WLS: variants seen among roughly 807,000 people sequenced by gnomAD.
The protein encoded by WLS is Wnt ligand secretion mediator.
In WLS, 23 loss-of-function variants were observed where a neutral mutation model predicts 62.8. The ratio of observed to expected loss-of-function variants is 0.37; its 90% confidence interval spans 0.26 to 0.52. WLS has a LOEUF of 0.52. WLS is among the 20% of genes least tolerant of loss of function. WLS has a pLI of 0.92. For missense variants in WLS, 615 were observed against 697.3 expected (o/e 0.88, Z 1.33); for synonymous variants, 246 against 244.1 (o/e 1.01, Z -0.07).
intron 11 of WLS, among the ~76,000 whole-genome samples, chr1:68,107,231 T>C (rs74560118): frequency 0.011 from 1,622 of 152,338 alleles, 28 homozygotes; most frequent in African/African-American, 0.037. Flanking sequence ...AATTTTTAGT[T>C]GCTGCCTCAT....
chr1:68,100,985 A>G (rs572908293), intron 11 of WLS, among the ~76,000 whole-genome samples: 2 of 152,330 alleles, frequency 1.3e-5, no homozygotes, highest in East Asian at 3.9e-4. Context: ...TAACCTGCTG[A>G]ATATGTAAAC....
chr1:68,098,744 A>C, exon 12 of WLS: 14 of 1,613,656 alleles, frequency 8.7e-6, no homozygotes, highest in Non-Finnish European at 1.2e-5. Context: ...TTTACATGGG[A>C]GTTGCATTCC....
At chr1:68,127,154 C>A in intron 11 of WLS, 1 of 356,494 alleles carries the variant, frequency 2.8e-6, no homozygotes. Flanking sequence ...ATGATTGCAC[C>A]ACTCACTCCA....
At chr1:68,189,481 T>A (rs958364492) in intron 2 of WLS, among the ~76,000 whole-genome samples, 1 of 152,222 alleles carries the variant, frequency 6.6e-6, no homozygotes, top group African/African-American at 2.4e-5. Flanking sequence ...ATTCTAAGTA[T>A]GTATATATGT....
At chr1:68,155,410 G>C in intron 3 of WLS, 150 bp from the exon 4 acceptor site, 1 of 890,656 alleles carries the variant, frequency 1.1e-6, no homozygotes, top group South Asian at 2.7e-5. Flanking sequence ...CATACTGGAG[G>C]CATGGCGTCT....
intron 1 of WLS, chr1:68,231,456 G>C: frequency 3.9e-6 from 1 of 259,716 alleles, no homozygotes; most frequent in Non-Finnish European, 7.8e-6. Flanking sequence ...TTCACGAGTG[G>C]GCAGGAGGCC....
chr1:68,133,175 A>G (rs1431039400), intron 11 of WLS, among the ~76,000 whole-genome samples: 1 of 152,158 alleles, frequency 6.6e-6, no homozygotes, highest in Non-Finnish European at 1.5e-5. Flanking sequence ...GTGTGTGTAC[A>G]CTCAGACACA....
At chr1:68,131,326 T>C (rs1310571438) in intron 11 of WLS, among the ~76,000 whole-genome samples, 1 of 152,150 alleles carries the variant, frequency 6.6e-6, no homozygotes, top group South Asian at 2.1e-4. Context: ...CTCTGTACTC[T>C]GCATGGCTGG....
At chr1:68,123,946 G>A (rs552675585), downstream of WLS, among the ~76,000 whole-genome samples, 184 of 151,774 alleles carry the variant, frequency 1.2e-3, no homozygotes, top group African/African-American at 4.2e-3. Context: ...AGTACAGTCT[G>A]TCTCTTAGCT....
rs761043627 is a variant in WLS, at chr1:68,194,127, A to G, written c.207T>C (p.Asn69=). Residue 69 remains asparagine (N), a synonymous_variant, in exon 2 of 12, where the codon AAT becomes AAC. Coordinates refer to ENST00000262348, the MANE Select transcript of WLS (RefSeq NM_024911.7). ...KTKWFVPWGP[N]HCDKIRDIEE... ...CAATGTCTCGGATCTTGTCACAATG[A>G]TTGGGTCCCCAAGGCACGAACCATT... is the stretch of plus-strand genomic sequence containing the variant. 2 of 1,614,158 alleles carry G rather than the reference A, an allele frequency of 1.2e-6. No individual in the cohort carries two copies. The highest frequency in any genetic ancestry group is 1.7e-6 in the Non-Finnish European group (2 of 1,180,022).
intron 11 of WLS, among the ~76,000 whole-genome samples, chr1:68,109,700 TAAA>T: frequency 6.6e-6 from 1 of 151,984 alleles, no homozygotes; most frequent in Non-Finnish European, 1.5e-5. Context: ...AAAAAGATTA[TAAA>T]TAAGAAAGAA....
At chr1:68,178,770 T>C (rs1018513301) in intron 2 of WLS, among the ~76,000 whole-genome samples, 1 of 151,820 alleles carries the variant, frequency 6.6e-6, no homozygotes, top group African/African-American at 2.4e-5. Flanking sequence ...GTTTCTGAAA[T>C]TGTATTATGA....
Position 68,146,018 on chromosome 1 carries a change from C to T in WLS, c.1135-6G>A, listed in dbSNP as rs757801583. On this transcript the variant is annotated splice_region_variant and splice_polypyrimidine_tract_variant and intron_variant, in intron 8 of 11. Transcript: ENST00000262348. ...GCCACGATGATGAAGGCCATCTGGT[C>T]GTGTCCAGTAAAGGAAACAACGGGC... 50 of 1,613,660 alleles carry T rather than the reference C, an allele frequency of 3.1e-5. No individual in the cohort carries two copies. In the East Asian group the frequency reaches 7.6e-4, roughly 24 times the overall value.
downstream of WLS, among the ~76,000 whole-genome samples, chr1:68,125,027 A>G (rs1359724948): frequency 6.6e-6 from 1 of 152,216 alleles, no homozygotes; most frequent in African/African-American, 2.4e-5. Flanking sequence ...CTTCAACAGG[A>G]AACAGTGTTC....
intron 1 of WLS, among the ~76,000 whole-genome samples, chr1:68,227,405 C>CAAAAAAAA (rs59704442): frequency 8.9e-6 from 1 of 112,858 alleles, no homozygotes; most frequent in Non-Finnish European, 1.8e-5. Flanking sequence ...GACTCCGTCA[C>CAAAAAAAA]AAAAAAAAAA....
chr1:68,186,468 C>T, intron 2 of WLS: 1 of 386,648 alleles, frequency 2.6e-6, no homozygotes, highest in South Asian at 1.9e-5. Context: ...TGTTTGAAAT[C>T]TGAAACTCAT....
intron 1 of WLS, among the ~76,000 whole-genome samples, chr1:68,219,867 G>A (rs779877902): frequency 5.3e-5 from 8 of 151,852 alleles, no homozygotes; most frequent in Non-Finnish European, 8.8e-5. Flanking sequence ...TGTCATTCAC[G>A]TTATTATCTA....
At chr1:68,112,870 G>T (rs1192461078) in intron 11 of WLS, among the ~76,000 whole-genome samples, 1 of 152,182 alleles carries the variant, frequency 6.6e-6, no homozygotes, top group Non-Finnish European at 1.5e-5. Context: ...TCTCTTCCTG[G>T]CCTCTTGGAC....
chr1:68,145,997 C>T lies in WLS; in HGVS notation c.1150G>A (p.Val384Met), dbSNP rs541018004. Residue 384 changes from valine to methionine, a missense_variant, in exon 9 of 12, where the codon GTG becomes ATG. Val to Met is a conservative substitution (Grantham distance 21, BLOSUM62 1). Transcript: ENST00000262348. ...GTELAMAFII[V>M]AGICLCLYFL... ...TAGAGGCAGAGGCAGATTCCAGCCA[C>T]GATGATGAAGGCCATCTGGTCGTGT... is the stretch of plus-strand genomic sequence containing the variant. The T allele has an allele frequency of 1.9e-5, 31 of 1,614,038 alleles. No individual in the cohort carries two copies. In the East Asian group the frequency reaches 3.6e-4, roughly 19 times the overall value.
Sources: allele counts gnomAD v4.1 joint callset (sites outside exome capture counted in the v4.1 genomes callset), GRCh38; gene constraint gnomAD v4.1.1; transcripts MANE v1.5; gene names NCBI Gene and HGNC (gene_info 2026-07-23, HGNC 2026-07-21).